LIN54: variants seen among roughly 807,000 people sequenced by gnomAD.
LIN54 encodes the protein protein lin-54 homolog.
LIN54 carries 9 observed loss-of-function variants against 78.7 expected under a neutral mutation model. That is an observed-to-expected ratio of 0.11 (90% CI 0.07 to 0.20). LIN54 has a LOEUF of 0.20. Ranked by LOEUF, LIN54 falls within the 10% of genes least tolerant of loss-of-function variation. The pLI, the probability that LIN54 is intolerant of heterozygous loss-of-function variation, is 1.00. For synonymous variants in LIN54, 269 were observed against 318.4 expected (o/e 0.84, Z 1.65); for missense variants, 573 against 889.9 (o/e 0.64, Z 4.53).
rs180956287 is a variant in LIN54, at chr4:82,989,522, A to G, written c.-32-4646T>C. 3.5e-4 allele frequency among the ~76,000 whole-genome samples: 54 copies of G among 152,302 alleles called. No individual in the cohort carries two copies. In the East Asian group the frequency reaches 9.5e-3, roughly 27 times the overall value. Reference sequence around the variant, plus strand: ...GAGTTGAATCTGGATACTACCCCCAACGAATGATGATTTAGTTCCTATATC... The same window carrying G: ...GAGTTGAATCTGGATACTACCCCCAGCGAATGATGATTTAGTTCCTATATC... On this transcript the variant is annotated intron_variant, in intron 1 of 12. Transcript: ENST00000340417.
intron 11 of LIN54, among the ~76,000 whole-genome samples, chr4:82,932,296 C>T (rs1031282971): frequency 2.1e-4 from 32 of 150,770 alleles, no homozygotes; most frequent in Non-Finnish European, 4.1e-4. Flanking sequence ...CGGGGTTTCA[C>T]CGTGTTAGCC....
At chr4:82,947,231 A>ATTTTTTT (rs1390095473) in intron 4 of LIN54, among the ~76,000 whole-genome samples, 69 of 13,938 alleles carry the variant, frequency 5.0e-3, no homozygotes, top group Non-Finnish European at 8.4e-3. Flanking sequence ...ATATATATAT[A>ATTTTTTT]TATATTTTTT....
At chr4:82,947,231 A>ATTTTTTTT (rs1390095473) in intron 4 of LIN54, among the ~76,000 whole-genome samples, 13 of 13,944 alleles carry the variant, frequency 9.3e-4, no homozygotes, top group East Asian at 2.8e-3. Context: ...ATATATATAT[A>ATTTTTTTT]TATATTTTTT....
intron 1 of LIN54, among the ~76,000 whole-genome samples, chr4:82,990,786 G>C (rs891555783): frequency 3.3e-5 from 5 of 152,084 alleles, no homozygotes; most frequent in African/African-American, 1.2e-4. Flanking sequence ...CCCAGCCAGG[G>C]AACCCAAATC....
chr4:82,956,479 C>T (rs1724342161), intron 4 of LIN54, among the ~76,000 whole-genome samples: 1 of 151,900 alleles, frequency 6.6e-6, no homozygotes, highest in African/African-American at 2.4e-5. Flanking sequence ...AGTTCAAGAC[C>T]AGCCTGGGGC....
chr4:82,984,467 A>T lies in LIN54; in HGVS notation c.378T>A (p.Leu126=), dbSNP rs1415655302. ...ILNKVSQTSD[L]KLGNQTLKPD... is the part of the protein sequence containing the mutation. ...GTTTAAGGGTCTGATTGCCAAGTTT[A>T]AGATCAGATGTCTGTGATACTTTGT... The change falls in exon 2 of 13, where the codon CTT becomes CTA. Residue 126 remains leucine, a synonymous_variant. Coordinates refer to ENST00000340417, the MANE Select transcript of LIN54 (RefSeq NM_194282.4). The T allele has an allele frequency of 1.2e-6, 2 of 1,614,234 alleles. No homozygotes were observed. The highest frequency in any genetic ancestry group is 3.3e-5 in the Admixed American group (2 of 60,032).
intron 4 of LIN54, among the ~76,000 whole-genome samples, chr4:82,969,649 G>A (rs1199490833): frequency 6.6e-6 from 1 of 152,200 alleles, no homozygotes; most frequent in Non-Finnish European, 1.5e-5. Context: ...GCAAAGGGCA[G>A]TATTGTTTCC....
chr4:82,940,107 C>T (rs1201832008), intron 5 of LIN54, 145 bp from the exon 6 acceptor site: 1 of 649,648 alleles, frequency 1.5e-6, no homozygotes, highest in African/African-American at 1.8e-5. Flanking sequence ...AATCTTTAAT[C>T]AGGATAGTTA....
intron 4 of LIN54, among the ~76,000 whole-genome samples, chr4:82,960,239 T>C (rs1578549184): frequency 6.6e-6 from 1 of 152,156 alleles, no homozygotes; most frequent in Non-Finnish European, 1.5e-5. Context: ...CAGAGCTCAC[T>C]GTAACCTCAA....
At chr4:82,955,405 A>ATAACG (rs1247074159) in intron 4 of LIN54, among the ~76,000 whole-genome samples, 1 of 151,974 alleles carries the variant, frequency 6.6e-6, no homozygotes, top group Non-Finnish European at 1.5e-5. Flanking sequence ...ATAACATAAC[A>ATAACG]TAACATAACA....
intron 4 of LIN54, among the ~76,000 whole-genome samples, chr4:82,969,741 T>A (rs1407204528): frequency 6.6e-6 from 1 of 152,236 alleles, no homozygotes; most frequent in Non-Finnish European, 1.5e-5. Flanking sequence ...CATATCTTTT[T>A]CAAAATGTTA....
At chr4:82,987,684 T>A (rs1727292083) in intron 1 of LIN54, among the ~76,000 whole-genome samples, 1 of 152,244 alleles carries the variant, frequency 6.6e-6, no homozygotes, top group Non-Finnish European at 1.5e-5. Flanking sequence ...TCCAGTTTCA[T>A]CCATGTCTCT....
intron 1 of LIN54, among the ~76,000 whole-genome samples, chr4:82,995,012 C>T (rs1301279532): frequency 2.0e-5 from 3 of 151,976 alleles, no homozygotes; most frequent in Non-Finnish European, 2.9e-5. Flanking sequence ...AGGTCTGGGC[C>T]AGGTTCAGTG....
At chr4:82,952,606 A>G (rs1723930068) in intron 4 of LIN54, among the ~76,000 whole-genome samples, 1 of 152,216 alleles carries the variant, frequency 6.6e-6, no homozygotes, top group South Asian at 2.1e-4. Context: ...ACTTTTGGGT[A>G]CATACTGTAT....
rs191673209 is a variant in LIN54 at position 83,001,612 on chromosome 4, G to A, written c.-33+8872C>T. Among the ~76,000 whole-genome samples, 37 of 151,266 alleles carry A rather than the reference G, an allele frequency of 2.4e-4. No individual in the cohort carries two copies. In the East Asian group the frequency reaches 5.9e-3, roughly 24 times the overall value. ...TGTAATCCCAGCACCTTGGGAGGCC[G>A]AGGCAGGCAGATCACGAGGTCAGGA... On this transcript the variant is annotated intron_variant, in intron 1 of 12. Transcript: ENST00000340417.
Position 82,946,329 on chromosome 4 carries a change from G to A in LIN54, c.1097C>T (p.Ala366Val). 10 of 1,614,166 alleles carry A rather than the reference G, an allele frequency of 6.2e-6. No homozygotes were observed. Among genetic ancestry groups the A allele is most frequent in the Non-Finnish European group, 7.6e-6 (9 of 1,180,002 alleles). ...SKFHYVRLVT[A>V]TSASSSTQPV... The stretch of plus-strand genomic sequence containing the variant: ...CTGGGTTGAGCTACTGGCTGATGTG[G>A]CAGTAACAAGTCGGACATAATGAAA... The change falls in exon 5 of 13, where the codon GCC (alanine) becomes GTC (valine). Residue 366 changes from alanine to valine, a missense_variant. By Grantham distance (64) the Ala-to-Val change is moderately conservative. This residue lies in a region of LIN54 where 199 missense variants were observed against 260.9 expected (regional missense o/e 0.76). Coordinates refer to ENST00000340417, the MANE Select transcript of LIN54 (RefSeq NM_194282.4).
At chr4:82,940,478 C>T (rs1052242439) in intron 5 of LIN54, among the ~76,000 whole-genome samples, 2 of 152,082 alleles carry the variant, frequency 1.3e-5, no homozygotes, top group East Asian at 3.8e-4. Flanking sequence ...CTGCAACCTC[C>T]GCCTCCCAGG....
intron 1 of LIN54, among the ~76,000 whole-genome samples, chr4:82,997,011 CTTTTATTG>C (rs1458066721): frequency 6.6e-6 from 1 of 152,020 alleles, no homozygotes; most frequent in East Asian, 1.9e-4. Flanking sequence ...TTTGTTTATA[CTTTTATTG>C]TCCCTCCTCA....
chr4:82,963,793 T>C (rs558628160), intron 4 of LIN54, among the ~76,000 whole-genome samples: 74 of 151,852 alleles, frequency 4.9e-4, no homozygotes, highest in Admixed American at 2.3e-3. Context: ...AGAAAGAACA[T>C]AAAGATGAGA....
Sources: gnomAD v4.1 joint callset for allele counts (sites outside exome capture counted in the v4.1 genomes callset) on GRCh38, gnomAD v4.1.1 for gene constraint, gnomAD v4.1.1 regional missense constraint, MANE v1.5 for transcripts, NCBI Gene and HGNC (gene_info 2026-07-23, HGNC 2026-07-21) for gene names.